The following CEP63 variants were observed in gnomAD, a reference collection of about 807,000 sequenced individuals.
CEP63 encodes centrosomal protein of 63 kDa.
Under a neutral mutation model 89.1 loss-of-function variants are expected in CEP63, and 84 were observed. The ratio of observed to expected loss-of-function variants is 0.94; its 90% CI spans 0.79 to 1.13. CEP63 has a LOEUF of 1.13. Ranked by LOEUF, CEP63 falls within the 50% of genes most tolerant of loss-of-function variation. The pLI is 0.00. For synonymous variants in CEP63, 267 were observed against 272.5 expected (o/e 0.98, Z 0.20); for missense variants, 838 against 813.3 (o/e 1.03, Z -0.37).
the CEP63 span, among the ~76,000 whole-genome samples, chr3:134,697,626 AT>A: frequency 6.6e-6 from 1 of 151,966 alleles, no homozygotes. Context: ...TTCCCTCATG[AT>A]TGTACCCACA....
At chr3:134,643,198 G>A in the CEP63 span, 4 of 880,510 alleles carry the variant, frequency 4.5e-6, no homozygotes, top group Non-Finnish European at 7.2e-6. Flanking sequence ...ACCCATGGGA[G>A]CAGAGAGGAC....
At chr3:134,674,735 G>A in the CEP63 span, among the ~76,000 whole-genome samples, 15 of 152,184 alleles carry the variant, frequency 9.9e-5, no homozygotes, top group East Asian at 2.7e-3. Flanking sequence ...CAGGAAACAA[G>A]ATCAATATAT....
downstream of CEP63, among the ~76,000 whole-genome samples, chr3:134,589,798 G>A (rs939944686): frequency 2.0e-5 from 3 of 152,076 alleles, no homozygotes; most frequent in African/African-American, 4.8e-5. Flanking sequence ...ACATGCATGC[G>A]TATGTTCATT....
At chr3:134,537,000 G>C (rs973858591) in intron 5 of CEP63, 155 bp from the exon 6 acceptor site, 20 of 681,796 alleles carry the variant, frequency 2.9e-5, no homozygotes, top group Middle Eastern at 3.7e-4. Flanking sequence ...TTACTCTCCA[G>C]CTCTGTTAGC....
chr3:134,540,577 A>G (rs59622796), intron 6 of CEP63, among the ~76,000 whole-genome samples: 61 of 151,968 alleles, frequency 4.0e-4, no homozygotes, highest in African/African-American at 1.4e-3. Flanking sequence ...ATTGAGCGCT[A>G]TTATTTCTTT....
chr3:134,751,692 A>G, the CEP63 span, among the ~76,000 whole-genome samples: 7 of 152,128 alleles, frequency 4.6e-5, no homozygotes, highest in Middle Eastern at 3.2e-3. Flanking sequence ...AGGTATGTTT[A>G]TCTGCAACCA....
chr3:134,732,958 A>G, the CEP63 span, among the ~76,000 whole-genome samples: 1 of 152,186 alleles, frequency 6.6e-6, no homozygotes, highest in African/African-American at 2.4e-5. Flanking sequence ...GTAAACAAGT[A>G]TTGTCATTTC....
the CEP63 span, among the ~76,000 whole-genome samples, chr3:134,618,257 C>T: frequency 2.0e-5 from 3 of 152,070 alleles, no homozygotes; most frequent in South Asian, 2.1e-4. Context: ...CGGCAGCTGC[C>T]GCCTCTGCAA....
rs13060247 is a variant in CEP63 at position 134,562,689 on chromosome 3, C to T, written c.*1154C>T. ...TTCCTAACCCTCTCCAACACCACTT[C>T]CATCCCCAGACTGCTTTCTTGCTCT... On this transcript the variant is annotated 3_prime_UTR_variant, in exon 15 of 15. Coordinates refer to ENST00000675561, the MANE Select transcript of CEP63 (RefSeq NM_001353108.3). 0.053 allele frequency: 8,157 copies of T among 152,524 alleles called. 282 individuals are homozygous for T. Among genetic ancestry groups the T allele is most frequent in the Non-Finnish European group, 0.078 (5,288 of 68,168 alleles). The allele number at this position is 152,524 out of a possible 1,614,324, so 9.4% of individuals were successfully genotyped here.
chr3:134,612,448 G>T, the CEP63 span, among the ~76,000 whole-genome samples: 1 of 152,142 alleles, frequency 6.6e-6, no homozygotes, highest in Non-Finnish European at 1.5e-5. Context: ...AAGGTGGTGG[G>T]GAGTGCTGAG....
the CEP63 span, among the ~76,000 whole-genome samples, chr3:134,737,078 A>G: frequency 6.6e-6 from 1 of 152,230 alleles, no homozygotes. Flanking sequence ...TTCAATTAAT[A>G]ATATGAAGTC....
chr3:134,583,788 A>T (rs1356062452), intron 10 of CEP63, among the ~76,000 whole-genome samples: 4 of 152,108 alleles, frequency 2.6e-5, no homozygotes, highest in African/African-American at 9.7e-5. Context: ...TCATTTTCAC[A>T]ATATTGATTC....
chr3:134,656,686 G>A, the CEP63 span, among the ~76,000 whole-genome samples: 1 of 152,144 alleles, frequency 6.6e-6, no homozygotes, highest in African/African-American at 2.4e-5. Context: ...AGAGTGCCTG[G>A]GTGAAGTGGG....
chr3:134,696,266 ATCT>A, the CEP63 span, among the ~76,000 whole-genome samples: 1 of 152,338 alleles, frequency 6.6e-6, no homozygotes, highest in East Asian at 1.9e-4. Flanking sequence ...TGCCGCCTTC[ATCT>A]TCTTTTGCTT....
the CEP63 span, among the ~76,000 whole-genome samples, chr3:134,631,376 AG>A: frequency 6.6e-6 from 1 of 152,344 alleles, no homozygotes; most frequent in East Asian, 1.9e-4. Flanking sequence ...TTGCTCCAAA[AG>A]AAATGCTAAC....
downstream of CEP63, among the ~76,000 whole-genome samples, chr3:134,567,260 C>T (rs962490157): frequency 3.6e-5 from 5 of 137,390 alleles, no homozygotes; most frequent in South Asian, 7.6e-4. Context: ...GGATTGGCGG[C>T]GGAAGGTTGG....
the CEP63 span, among the ~76,000 whole-genome samples, chr3:134,773,348 G>A: frequency 8.5e-5 from 13 of 152,304 alleles, no homozygotes; most frequent in East Asian, 5.8e-4. Flanking sequence ...AGGCAGAGCC[G>A]TCTATTATAG....
chr3:134,734,536 A>G, the CEP63 span, among the ~76,000 whole-genome samples: 7 of 152,190 alleles, frequency 4.6e-5, no homozygotes, highest in Non-Finnish European at 1.0e-4. Flanking sequence ...AAAGAGAACA[A>G]TTACAGACTC....
At chr3:134,764,640 T>C in the CEP63 span, among the ~76,000 whole-genome samples, 5 of 152,222 alleles carry the variant, frequency 3.3e-5, no homozygotes, top group Non-Finnish European at 5.9e-5. Context: ...ATGCTTCTTA[T>C]GCTAGTCACC....
Sources: gnomAD v4.1 joint callset for allele counts (sites outside exome capture counted in the v4.1 genomes callset) on GRCh38, gnomAD v4.1.1 for gene constraint, MANE v1.5 for transcripts, NCBI Gene and HGNC (gene_info 2026-07-23, HGNC 2026-07-21) for gene names.